The following ABLIM1 variants were observed in gnomAD, a reference collection of about 807,000 sequenced individuals.
The protein encoded by ABLIM1 is actin binding LIM protein 1, also known as actin-binding LIM protein 1.
ABLIM1 carries 40 observed loss-of-function variants against 107.0 expected under a neutral mutation model. That is an observed-to-expected ratio of 0.37 (90% confidence interval 0.29 to 0.49). The LOEUF (loss-of-function observed/expected upper bound fraction) is 0.49, where lower values mean the gene tolerates loss of function less well. Among genes scored for constraint, ABLIM1 ranks in the 20% least tolerant of loss-of-function variants. The pLI is 0.97. For synonymous variants in ABLIM1, 357 were observed against 357.3 expected (o/e 1.00, Z 0.01); for missense variants, 857 against 1,008.5 (o/e 0.85, Z 2.04).
At chr10:114,785,842 C>T in the ABLIM1 span, among the ~76,000 whole-genome samples, 1 of 152,170 alleles carries the variant, frequency 6.6e-6, no homozygotes, top group African/African-American at 2.4e-5. Flanking sequence ...CATTCTCCTG[C>T]CTCAGCTTTG....
At chr10:114,706,429 T>G (rs1313334727) in intron 1 of ABLIM1, among the ~76,000 whole-genome samples, 3 of 152,254 alleles carry the variant, frequency 2.0e-5, no homozygotes, top group Non-Finnish European at 4.4e-5. Flanking sequence ...TATGAGTTAT[T>G]CTCACAAATG....
At position 114,601,955 on chromosome 10, in the gene ABLIM1, TG is replaced by T; in HGVS notation, c.250del (p.His84ThrfsTer56). ...TGATGGGTGGTGAGGGTCCTGAGGGTGGGCCACTGAAAGAAAATCAACAAAA... is the reference window on the plus strand; with the variant it reads ...TGATGGGTGGTGAGGGTCCTGAGGGTGGCCACTGAAAGAAAATCAACAAAA... The part of the protein sequence containing the change: ...VCNSVDPFVA[H>X]PQDPHHPSEK... On this transcript the variant is annotated frameshift_variant, in exon 2 of 23. Transcript: ENST00000533213. LOFTEE classifies it high-confidence loss of function. The T allele has an allele frequency of 1.2e-6, 2 of 1,613,792 alleles. No homozygotes were observed. Among genetic ancestry groups the T allele is most frequent in the Non-Finnish European group, 1.7e-6 (2 of 1,179,758 alleles).
chr10:114,509,622 T>C (rs1451357565), intron 6 of ABLIM1, among the ~76,000 whole-genome samples: 2 of 152,196 alleles, frequency 1.3e-5, no homozygotes, highest in Admixed American at 6.5e-5. Flanking sequence ...TCCCATTGCC[T>C]ACTGAAAAAA....
At chr10:114,471,584 C>A (rs2066575185) in intron 10 of ABLIM1, among the ~76,000 whole-genome samples, 1 of 152,124 alleles carries the variant, frequency 6.6e-6, no homozygotes, top group African/African-American at 2.4e-5. Context: ...ATATCACTTC[C>A]TGCCACAGGG....
chr10:114,598,014 G>T (rs965830259), intron 2 of ABLIM1, among the ~76,000 whole-genome samples: 1 of 152,170 alleles, frequency 6.6e-6, no homozygotes, highest in Admixed American at 6.5e-5. Flanking sequence ...GCTCACGCCT[G>T]TAATCCCAGC....
chr10:114,514,216 G>A (rs1042178606), intron 6 of ABLIM1, among the ~76,000 whole-genome samples: 1 of 151,894 alleles, frequency 6.6e-6, no homozygotes, highest in African/African-American at 2.4e-5. Flanking sequence ...TTGAATGGGA[G>A]GGGGAAAGGG....
chr10:114,549,830 G>C (rs1182156544), intron 4 of ABLIM1, among the ~76,000 whole-genome samples: 2 of 152,086 alleles, frequency 1.3e-5, no homozygotes, highest in African/African-American at 4.8e-5. Context: ...GTTCAAAATA[G>C]ATCAAGTAAA....
At chr10:114,795,379 T>C in the ABLIM1 span, among the ~76,000 whole-genome samples, 4 of 152,314 alleles carry the variant, frequency 2.6e-5, no homozygotes, top group African/African-American at 9.6e-5. Flanking sequence ...CACTATGCCA[T>C]CCTTGTCAAG....
intron 1 of ABLIM1, among the ~76,000 whole-genome samples, chr10:114,746,909 T>C (rs113015953): frequency 2.1e-3 from 324 of 152,352 alleles, no homozygotes; most frequent in African/African-American, 7.0e-3. Flanking sequence ...ATTTCTTTTC[T>C]GCTTATAGAG....
At chr10:114,678,324 C>T (rs1172171602) in intron 1 of ABLIM1, among the ~76,000 whole-genome samples, 1 of 152,168 alleles carries the variant, frequency 6.6e-6, no homozygotes, top group African/African-American at 2.4e-5. Flanking sequence ...AACCTGTTGG[C>T]AAATTTATTG....
At chr10:114,769,409 AGAAAGAAAAGAAG>A (rs1473212925), upstream of ABLIM1, among the ~76,000 whole-genome samples, 20 of 128,614 alleles carry the variant, frequency 1.6e-4, no homozygotes, top group African/African-American at 5.6e-4. Context: ...AAAGAAAGAA[AGAAAGAAAAGAAG>A]GAAAGAAAGA....
intron 1 of ABLIM1, among the ~76,000 whole-genome samples, chr10:114,724,804 G>A (rs1052110853): frequency 6.6e-6 from 1 of 152,114 alleles, no homozygotes; most frequent in Admixed American, 6.5e-5. Context: ...GAGGCCAGGG[G>A]ACAGCTTATG....
chr10:114,498,215 G>C (rs2059947231), intron 6 of ABLIM1, among the ~76,000 whole-genome samples: 1 of 152,106 alleles, frequency 6.6e-6, no homozygotes, highest in Non-Finnish European at 1.5e-5. Context: ...CAAAGGGCCG[G>C]GCTAGACAAT....
intron 6 of ABLIM1, among the ~76,000 whole-genome samples, chr10:114,515,899 C>G (rs1223884908): frequency 6.6e-6 from 1 of 152,198 alleles, no homozygotes; most frequent in Non-Finnish European, 1.5e-5. Flanking sequence ...TCTACCGGCT[C>G]AGAGAGGACA....
intron 20 of ABLIM1, chr10:114,439,580 T>C (rs1320342079): frequency 7.2e-6 from 3 of 416,858 alleles, no homozygotes; most frequent in Non-Finnish European, 1.3e-5. Flanking sequence ...TGATTTTCTA[T>C]GCATTTTTCT....
At chr10:114,699,853 T>A (rs1476724838) in intron 1 of ABLIM1, among the ~76,000 whole-genome samples, 1 of 152,246 alleles carries the variant, frequency 6.6e-6, no homozygotes, top group African/African-American at 2.4e-5. Context: ...GAAACTGTTG[T>A]ATATCTTGAC....
chr10:114,689,953 T>C (rs2081038545), upstream of ABLIM1, among the ~76,000 whole-genome samples: 1 of 152,152 alleles, frequency 6.6e-6, no homozygotes. Context: ...TTAGTTTTAA[T>C]TTCATAATCA....
chr10:114,796,890 T>G, the ABLIM1 span, among the ~76,000 whole-genome samples: 1 of 152,178 alleles, frequency 6.6e-6, no homozygotes, highest in Non-Finnish European at 1.5e-5. Context: ...AGTCCTGCCA[T>G]CATCTTACGA....
At chr10:114,749,483 C>CACACACACACACACACAT (rs540676948) in intron 1 of ABLIM1, among the ~76,000 whole-genome samples, 5 of 150,702 alleles carry the variant, frequency 3.3e-5, no homozygotes, top group African/African-American at 7.4e-5. Context: ...CACACACACA[C>CACACACACACACACACAT]ACCACAAAAC....
Sources: gnomAD v4.1 joint callset for allele counts (sites outside exome capture counted in the v4.1 genomes callset) on GRCh38, gnomAD v4.1.1 for gene constraint, MANE v1.5 for transcripts, NCBI Gene and HGNC (gene_info 2026-07-23, HGNC 2026-07-21) for gene names.